The following RBFOX1 variants were observed in gnomAD, a reference collection of about 807,000 sequenced individuals.
RBFOX1 encodes RNA binding fox-1 homolog 1, also known as RNA binding protein fox-1 homolog 1.
In RBFOX1, 8 loss-of-function variants were observed where a neutral mutation model predicts 57.7. That is an observed-to-expected ratio of 0.14 (90% CI 0.08 to 0.25). RBFOX1 has a LOEUF of 0.25. RBFOX1 is among the 10% of genes least tolerant of loss of function. The probability of loss-of-function intolerance (pLI) is 1.00; values close to 1 mark genes in which losing one functional copy is unlikely to be tolerated. For synonymous variants in RBFOX1, 326 were observed against 222.4 expected (o/e 1.47, Z -4.15); for missense variants, 611 against 548.5 (o/e 1.11, Z -1.14).
chr16:5,609,265 C>G (rs533730572), intron 3 of RBFOX1, among the ~76,000 whole-genome samples: 1 of 152,322 alleles, frequency 6.6e-6, no homozygotes, highest in Non-Finnish European at 1.5e-5. Context: ...GATGCTATCT[C>G]ATTTTACAGA....
chr16:5,299,239 A>C (rs568436611), intron 1 of RBFOX1, among the ~76,000 whole-genome samples: 2 of 152,074 alleles, frequency 1.3e-5, no homozygotes, highest in Non-Finnish European at 2.9e-5. Flanking sequence ...TTAAAAATCA[A>C]TCCATACTGT....
At chr16:7,104,808 C>G (rs749564653) in intron 4 of RBFOX1, among the ~76,000 whole-genome samples, 12 of 152,104 alleles carry the variant, frequency 7.9e-5, no homozygotes, top group Non-Finnish European at 4.4e-5. Flanking sequence ...AAATAACCAA[C>G]ACAAAGAGGC....
intron 4 of RBFOX1, among the ~76,000 whole-genome samples, chr16:7,370,811 C>T (rs572796539): frequency 6.6e-6 from 1 of 152,326 alleles, no homozygotes; most frequent in African/African-American, 2.4e-5. Context: ...AATTGCAGGA[C>T]TGTTGTCCAC....
At chr16:7,285,914 G>A (rs935955560) in intron 4 of RBFOX1, among the ~76,000 whole-genome samples, 2 of 152,168 alleles carry the variant, frequency 1.3e-5, no homozygotes, top group African/African-American at 4.8e-5. Flanking sequence ...AGAACATGCT[G>A]GGACATGATT....
Position 6,019,294 on chromosome 16 carries a change from A to G in RBFOX1, c.-825A>G. ...CTGGTCTCCCGAGCGCGGGGTTTGA[A>G]GGTCACCTCCTTTCCAGTCCCCGTG... On this transcript the variant is annotated 5_prime_UTR_variant, in exon 1 of 16. Transcript: ENST00000550418. The surrounding 1 kb of genome is among the most constrained non-coding windows in gnomAD (Gnocchi z 4.2). 1 of 984,834 alleles carries G rather than the reference A, an allele frequency of 1.0e-6. No homozygotes were observed. Among genetic ancestry groups the G allele is most frequent in the Non-Finnish European group, 1.2e-6 (1 of 829,984 alleles). The allele number at this position is 984,834 out of a possible 1,614,324, so 61.0% of individuals were successfully genotyped here. A position where few individuals can be genotyped will look rare whatever the true frequency, so the allele number is the denominator to read the frequency against.
At chr16:6,049,143 A>C (rs932976921) in intron 1 of RBFOX1, among the ~76,000 whole-genome samples, 3 of 149,100 alleles carry the variant, frequency 2.0e-5, no homozygotes, top group African/African-American at 5.0e-5. Flanking sequence ...GCTCACTGCA[A>C]CCTCGGCTTT....
intron 3 of RBFOX1, among the ~76,000 whole-genome samples, chr16:6,913,216 G>T (rs918695642): frequency 6.6e-6 from 1 of 152,060 alleles, no homozygotes; most frequent in Admixed American, 6.6e-5. Flanking sequence ...CAAAAACAGG[G>T]TATCGGAAAT....
rs1374562311 is a variant in RBFOX1 at position 6,231,853 on chromosome 16, GT to G, written c.-126-85141del. Among the ~76,000 whole-genome samples, 3 of 47,590 alleles carry G rather than the reference GT, an allele frequency of 6.3e-5. No individual in the cohort carries two copies. The East Asian group carries it at 1.6e-3, about 25-fold the overall frequency. 31.2% of individuals were successfully genotyped at this position (47,590 alleles called of 152,430 possible). ...CCAGTTTTTTTTTTTTTTTTTTTTT[GT>G]CCTGGTATTTTAAAAATGCAGCAAT... On this transcript the variant is annotated intron_variant, in intron 1 of 15. Coordinates refer to ENST00000550418, the MANE Select transcript of RBFOX1 (RefSeq NM_018723.4).
At chr16:5,742,998 C>T (rs1002322915) in intron 3 of RBFOX1, among the ~76,000 whole-genome samples, 1 of 152,176 alleles carries the variant, frequency 6.6e-6, no homozygotes, top group African/African-American at 2.4e-5. Flanking sequence ...TGCTATTTTG[C>T]ATTAACAATA....
chr16:7,598,557 C>T (rs180949013), intron 9 of RBFOX1, among the ~76,000 whole-genome samples: 4 of 151,908 alleles, frequency 2.6e-5, no homozygotes, highest in Non-Finnish European at 5.9e-5. Flanking sequence ...TTAAATAACC[C>T]CATTGCCACC....
chr16:5,732,009 C>T (rs185743918), intron 3 of RBFOX1, among the ~76,000 whole-genome samples: 1 of 152,144 alleles, frequency 6.6e-6, no homozygotes, highest in Non-Finnish European at 1.5e-5. Context: ...GCTGGGCATC[C>T]CCTTGCAAGA....
intron 3 of RBFOX1, among the ~76,000 whole-genome samples, chr16:6,917,681 G>T (rs2073521133): frequency 6.6e-6 from 1 of 152,226 alleles, no homozygotes; most frequent in South Asian, 2.1e-4. Context: ...GAGGGTCTGT[G>T]TGCTGTGTGA....
intron 3 of RBFOX1, among the ~76,000 whole-genome samples, chr16:6,713,953 C>G (rs1018396272): frequency 7.2e-5 from 11 of 152,218 alleles, no homozygotes; most frequent in African/African-American, 2.4e-4. Context: ...GGCAATAATT[C>G]ACATGAAAGT....
chr16:6,917,385 T>C (rs2153447382), intron 3 of RBFOX1, among the ~76,000 whole-genome samples: 1 of 152,302 alleles, frequency 6.6e-6, no homozygotes, highest in Non-Finnish European at 1.5e-5. Context: ...TTTCTGAACT[T>C]GAGTGTAGCT....
chr16:5,815,398 C>T (rs114813781), intron 3 of RBFOX1, among the ~76,000 whole-genome samples: 10 of 151,964 alleles, frequency 6.6e-5, no homozygotes, highest in African/African-American at 2.4e-4. Context: ...CTGGCCAGGG[C>T]CTGACTTCAG....
intron 2 of RBFOX1, among the ~76,000 whole-genome samples, chr16:6,346,516 C>G (rs533380883): frequency 6.6e-6 from 1 of 152,150 alleles, no homozygotes; most frequent in Admixed American, 6.5e-5. Flanking sequence ...TGATCTGTAA[C>G]TAATCAAGGT....
chr16:6,000,507 C>T (rs1290339939), intron 4 of RBFOX1, among the ~76,000 whole-genome samples: 3 of 152,182 alleles, frequency 2.0e-5, no homozygotes, highest in Admixed American at 6.5e-5. Flanking sequence ...CTTGTGTCTG[C>T]CACTCTCTTG....
At chr16:5,384,788 G>A (rs905467477) in intron 1 of RBFOX1, among the ~76,000 whole-genome samples, 2 of 152,180 alleles carry the variant, frequency 1.3e-5, no homozygotes, top group Non-Finnish European at 2.9e-5. Flanking sequence ...CACTAGCTGC[G>A]TGACTTTTGG....
chr16:7,029,091 C>CTGT (rs1568440002), intron 3 of RBFOX1, among the ~76,000 whole-genome samples: 10 of 24,764 alleles, frequency 4.0e-4, no homozygotes, highest in East Asian at 6.7e-3. Context: ...TACACACACA[C>CTGT]ACACACACAC....
Sources: allele counts gnomAD v4.1 joint callset (sites outside exome capture counted in the v4.1 genomes callset), GRCh38; gene constraint gnomAD v4.1.1; non-coding constraint Gnocchi (gnomAD v3.1); transcripts MANE v1.5; gene names NCBI Gene and HGNC (gene_info 2026-07-23, HGNC 2026-07-21).